LRRC4C: variants seen among roughly 807,000 people sequenced by gnomAD.
The protein encoded by LRRC4C is leucine-rich repeat-containing protein 4C.
Under a neutral mutation model 33.6 loss-of-function variants are expected in LRRC4C, and 5 were observed. The observed-to-expected ratio is 0.15, with a 90% CI of 0.08 to 0.31. The LOEUF is 0.31. LRRC4C is among the 10% of genes least tolerant of loss of function. The pLI, the probability that LRRC4C is intolerant of heterozygous loss-of-function variation, is 1.00. For synonymous variants in LRRC4C, 329 were observed against 302.0 expected, an observed-to-expected ratio of 1.09 and a Z score of -0.93; for missense variants, 560 against 796.7, an observed-to-expected ratio of 0.70 and a Z score of 3.58.
chr11:40,896,775 A>G (rs1955961238), intron 2 of LRRC4C, among the ~76,000 whole-genome samples: 2 of 152,274 alleles, frequency 1.3e-5, no homozygotes, highest in South Asian at 4.1e-4. Context: ...GGTATTATCA[A>G]TAGCATATTT....
intron 1 of LRRC4C, among the ~76,000 whole-genome samples, chr11:41,156,841 T>G (rs528156842): frequency 6.6e-6 from 1 of 152,032 alleles, no homozygotes; most frequent in Non-Finnish European, 1.5e-5. Flanking sequence ...AGTGCTATGG[T>G]TTGGATGTTT....
At chr11:40,663,471 C>G (rs989772054) in intron 2 of LRRC4C, among the ~76,000 whole-genome samples, 1 of 152,018 alleles carries the variant, frequency 6.6e-6, no homozygotes, top group African/African-American at 2.4e-5. Context: ...TTGGACTAAC[C>G]TAGACACATT....
chr11:41,355,013 A>T (rs1952109178), intron 1 of LRRC4C, among the ~76,000 whole-genome samples: 1 of 152,104 alleles, frequency 6.6e-6, no homozygotes, highest in Admixed American at 6.6e-5. Flanking sequence ...CTAATTAAAG[A>T]TCTTCAGCTC....
chr11:40,624,916 G>T (rs1565572053), intron 3 of LRRC4C, among the ~76,000 whole-genome samples: 1 of 151,812 alleles, frequency 6.6e-6, no homozygotes, highest in Non-Finnish European at 1.5e-5. Context: ...TTTATTATTA[G>T]CAAAACCAAC....
chr11:40,695,383 G>T (rs573857710), intron 2 of LRRC4C, among the ~76,000 whole-genome samples: 1 of 152,226 alleles, frequency 6.6e-6, no homozygotes. Flanking sequence ...GAAAGGCAGA[G>T]ACCTCATCTC....
At chr11:41,088,878 C>G (rs1940196940) in intron 1 of LRRC4C, among the ~76,000 whole-genome samples, 1 of 151,972 alleles carries the variant, frequency 6.6e-6, no homozygotes, top group Non-Finnish European at 1.5e-5. Flanking sequence ...AAGGAAGAGT[C>G]TAGATAAGAA....
rs185424145 is a variant in LRRC4C at position 40,217,286 on chromosome 11, G to A, written c.-96+24233C>T. Among the ~76,000 whole-genome samples, 22 of 152,134 alleles carry A rather than the reference G, an allele frequency of 1.4e-4. 1 individual carries two copies. The East Asian group carries it at 4.3e-3, about 29-fold the overall frequency. ...GTAATATTAATATCTCAAGTTTATA[G>A]CTAAGGAAATTAAAGTCTAGCAACA... On this transcript the variant is annotated intron_variant, in intron 5 of 6. Transcript: ENST00000528697.
At chr11:40,262,287 C>T (rs1248056044) in intron 4 of LRRC4C, among the ~76,000 whole-genome samples, 1 of 152,044 alleles carries the variant, frequency 6.6e-6, no homozygotes, top group African/African-American at 2.4e-5. Flanking sequence ...ATTATTATAC[C>T]ACCTCACACC....
chr11:41,286,104 C>T (rs1374314709), intron 1 of LRRC4C, among the ~76,000 whole-genome samples: 1 of 152,206 alleles, frequency 6.6e-6, no homozygotes, highest in Non-Finnish European at 1.5e-5. Flanking sequence ...GCTGGGATTA[C>T]AGGCGTGAGC....
chr11:40,967,472 C>A (rs1851443687), intron 1 of LRRC4C, among the ~76,000 whole-genome samples: 1 of 151,990 alleles, frequency 6.6e-6, no homozygotes, highest in Non-Finnish European at 1.5e-5. Flanking sequence ...AAACTGAATG[C>A]TTTTTGCAAC....
Position 41,392,783 on chromosome 11 carries a change from G to A in LRRC4C, c.-496+66648C>T, listed in dbSNP as rs147680965. 6.5e-3 allele frequency among the ~76,000 whole-genome samples: 981 copies of A among 151,934 alleles called. 6 individuals carry two copies. The highest frequency in any genetic ancestry group is 0.013 in the South Asian group (63 of 4,826). ...TGGAGTGATGTAGCTGTAAGCCAAG[G>A]AATCCCAAGAATTTCTGGGAACTGC... On this transcript the variant is annotated intron_variant, in intron 1 of 6. Transcript: ENST00000528697.
chr11:41,259,631 G>T (rs904796828), intron 1 of LRRC4C, among the ~76,000 whole-genome samples: 2 of 151,956 alleles, frequency 1.3e-5, no homozygotes, highest in Non-Finnish European at 2.9e-5. Context: ...GAGCCACACT[G>T]GACCTAATCA....
At chr11:40,696,013 T>C (rs991343189) in intron 2 of LRRC4C, among the ~76,000 whole-genome samples, 23 of 148,830 alleles carry the variant, frequency 1.5e-4, no homozygotes, top group African/African-American at 5.3e-4. Flanking sequence ...GTAGTATATA[T>C]ATATGTGGTG....
At chr11:41,018,361 AC>A (rs1349137074) in intron 1 of LRRC4C, among the ~76,000 whole-genome samples, 1 of 152,174 alleles carries the variant, frequency 6.6e-6, no homozygotes, top group Admixed American at 6.5e-5. Flanking sequence ...AAACACAGCT[AC>A]AGAAGTGTAG....
chr11:40,845,908 G>A (rs1293446012), intron 2 of LRRC4C, among the ~76,000 whole-genome samples: 2 of 152,014 alleles, frequency 1.3e-5, no homozygotes, highest in African/African-American at 2.4e-5. Flanking sequence ...TTGTGGTTCT[G>A]ATTTGAATTT....
Position 40,756,275 on chromosome 11 carries a change from C to T in LRRC4C, c.-406-107997G>A, listed in dbSNP as rs574206386. Among the ~76,000 whole-genome samples, 85 of 152,148 alleles carry T rather than the reference C, an allele frequency of 5.6e-4. 1 individual carries two copies. The highest frequency in any genetic ancestry group is 1.1e-3 in the Non-Finnish European group (74 of 67,980). On this transcript the variant is annotated intron_variant, in intron 2 of 6. Transcript: ENST00000528697. Reference sequence around the variant, plus strand: ...CTTTTGTTGTGGCAGCCCTATCAAACTAATACATCACTTAAGGTTATAAAT... The same window carrying T: ...CTTTTGTTGTGGCAGCCCTATCAAATTAATACATCACTTAAGGTTATAAAT...
chr11:40,370,902 C>T (rs1483549532), intron 3 of LRRC4C, among the ~76,000 whole-genome samples: 1 of 151,818 alleles, frequency 6.6e-6, no homozygotes, highest in Non-Finnish European at 1.5e-5. Context: ...TTTTATAGGC[C>T]CACCTCTTTA....
rs1427044630 is a variant in LRRC4C, at chr11:40,115,466, T to C, written c.827A>G (p.His276Arg). The stretch of plus-strand genomic sequence containing the variant: ...ATGAGGCAGTAATGTTAGATTATTG[T>C]GTGCCAGGTTGATCTCCACTAGTGA... ...LQSLVEINLA[H>R]NNLTLLPHDL... Residue 276 changes from histidine to arginine, a missense_variant, in exon 7 of 7, where the codon CAC (histidine) becomes CGC (arginine). By Grantham distance (29) the His-to-Arg change is conservative. This residue lies in a region of LRRC4C where 455 missense variants were observed against 643.8 expected (regional missense o/e 0.71). Transcript: ENST00000528697. The surrounding 1 kb of genome is among the most constrained non-coding windows in gnomAD (Gnocchi z 6.7). The C allele has an allele frequency of 6.2e-7, 1 of 1,614,190 alleles. No individual in the cohort carries two copies. Among genetic ancestry groups the C allele is most frequent in the East Asian group, 2.2e-5 (1 of 44,868 alleles).
At chr11:40,316,207 A>G (rs563470094) in intron 4 of LRRC4C, among the ~76,000 whole-genome samples, 32 of 152,080 alleles carry the variant, frequency 2.1e-4, no homozygotes, top group African/African-American at 7.7e-4. Context: ...AAATTATGTA[A>G]CTCATTATAG....
Sources: gnomAD v4.1 joint callset for allele counts (sites outside exome capture counted in the v4.1 genomes callset) on GRCh38, gnomAD v4.1.1 for gene constraint, gnomAD v4.1.1 regional missense constraint, Gnocchi (gnomAD v3.1) non-coding constraint, MANE v1.5 for transcripts, NCBI Gene and HGNC (gene_info 2026-07-23, HGNC 2026-07-21) for gene names.